TRPM3: variants seen among roughly 807,000 people sequenced by gnomAD.
TRPM3 encodes long transient receptor potential channel 3.
A neutral mutation model predicts 181.2 loss-of-function variants in TRPM3; 77 were observed. The observed-to-expected ratio is 0.42, with a 90% CI of 0.35 to 0.51. TRPM3 has a LOEUF of 0.51. TRPM3 is among the 20% of genes least tolerant of loss of function. The pLI is 0.01. For missense variants in TRPM3, 1,759 were observed against 2,196.7 expected (o/e 0.80, Z 3.98); for synonymous variants, 745 against 796.4 (o/e 0.94, Z 1.09).
chr9:70,611,325 G>T (rs2061964265), intron 18 of TRPM3, among the ~76,000 whole-genome samples: 1 of 152,196 alleles, frequency 6.6e-6, no homozygotes, highest in Non-Finnish European at 1.5e-5. Flanking sequence ...ATCCCCACAT[G>T]TCAAGGGAGG....
intron 7 of TRPM3, chr9:70,776,589 C>CAA (rs2081408321): frequency 1.7e-6 from 1 of 573,778 alleles, no homozygotes; most frequent in South Asian, 2.3e-5. Context: ...ATCTGTCAGT[C>CAA]CTGTCAAAAT....
chr9:71,243,424 T>C (rs2081840702), intron 1 of TRPM3, among the ~76,000 whole-genome samples: 2 of 152,230 alleles, frequency 1.3e-5, no homozygotes, highest in Non-Finnish European at 2.9e-5. Flanking sequence ...AGTGTCTTCC[T>C]GACTGCATGG....
chr9:70,635,706 C>T (rs892354879), intron 11 of TRPM3, among the ~76,000 whole-genome samples: 4 of 152,068 alleles, frequency 2.6e-5, no homozygotes, highest in Non-Finnish European at 2.9e-5. Flanking sequence ...AAGCAATCCT[C>T]CCACCTCAGC....
chr9:71,095,758 C>CA (rs34934062), intron 1 of TRPM3, among the ~76,000 whole-genome samples: 39,345 of 85,042 alleles, frequency 0.46, 7,584 homozygotes, highest in Admixed American at 0.54. Flanking sequence ...GACTCTGTGT[C>CA]AAAAAAAAAA....
At chr9:71,307,642 A>G (rs989910855) in intron 1 of TRPM3, among the ~76,000 whole-genome samples, 5 of 152,124 alleles carry the variant, frequency 3.3e-5, no homozygotes, top group African/African-American at 1.2e-4. Flanking sequence ...TTCTTTTCTA[A>G]TAACACATGC....
intron 1 of TRPM3, among the ~76,000 whole-genome samples, chr9:71,144,143 C>T (rs1469895080): frequency 6.6e-6 from 1 of 152,072 alleles, no homozygotes. Flanking sequence ...TACATTGTGG[C>T]CAAAACTATG....
intron 1 of TRPM3, among the ~76,000 whole-genome samples, chr9:70,929,185 C>G (rs965446861): frequency 6.7e-6 from 1 of 149,068 alleles, no homozygotes; most frequent in Non-Finnish European, 1.5e-5. Context: ...TTTTTTGCCT[C>G]ATCTCTTAAA....
At chr9:70,980,465 T>G (rs1370585645) in intron 1 of TRPM3, among the ~76,000 whole-genome samples, 1 of 152,166 alleles carries the variant, frequency 6.6e-6, no homozygotes, top group East Asian at 1.9e-4. Flanking sequence ...GGTTTTCCTT[T>G]GTGTTCCTGA....
chr9:70,853,899 A>G (rs1298652906), intron 3 of TRPM3, among the ~76,000 whole-genome samples: 1 of 152,236 alleles, frequency 6.6e-6, no homozygotes, highest in Non-Finnish European at 1.5e-5. Flanking sequence ...TTTGTAGATA[A>G]GAAGATAATT....
At chr9:70,672,193 C>T (rs2063098118) in intron 9 of TRPM3, among the ~76,000 whole-genome samples, 1 of 152,176 alleles carries the variant, frequency 6.6e-6, no homozygotes, top group South Asian at 2.1e-4. Context: ...TCTCATTCCA[C>T]AGTCATAGGG....
At chr9:71,302,321 C>G (rs1392374069) in intron 1 of TRPM3, among the ~76,000 whole-genome samples, 1 of 152,070 alleles carries the variant, frequency 6.6e-6, no homozygotes, top group East Asian at 1.9e-4. Flanking sequence ...TATTTTATGA[C>G]CAGATTGAAA....
At chr9:71,386,017 G>A (rs556561460) in intron 1 of TRPM3, among the ~76,000 whole-genome samples, 3 of 152,070 alleles carry the variant, frequency 2.0e-5, no homozygotes, top group African/African-American at 4.8e-5. Flanking sequence ...AGTCTTAGAA[G>A]ATTTAGACAT....
intron 5 of TRPM3, among the ~76,000 whole-genome samples, chr9:70,841,814 T>C (rs1428732762): frequency 1.3e-5 from 2 of 151,204 alleles, no homozygotes; most frequent in African/African-American, 4.9e-5. Context: ...GCCATTTTCC[T>C]AAGTAAAATA....
intron 1 of TRPM3, among the ~76,000 whole-genome samples, chr9:71,209,065 T>C (rs1053031461): frequency 1.3e-5 from 2 of 152,112 alleles, no homozygotes; most frequent in Admixed American, 6.6e-5. Context: ...TCATATTCCA[T>C]AGCTAGAAAT....
chr9:70,869,515 G>T (rs1306539232), intron 1 of TRPM3, among the ~76,000 whole-genome samples: 2 of 151,964 alleles, frequency 1.3e-5, no homozygotes, highest in Non-Finnish European at 2.9e-5. Context: ...CATCCCCAAA[G>T]AATGGAATGG....
chr9:70,837,011 T>C (rs1015899428), intron 5 of TRPM3, among the ~76,000 whole-genome samples: 1 of 152,164 alleles, frequency 6.6e-6, no homozygotes, highest in African/African-American at 2.4e-5. Context: ...CAAAGCTGAG[T>C]GTGGTCCAGG....
intron 5 of TRPM3, among the ~76,000 whole-genome samples, chr9:70,832,445 T>A (rs1169928441): frequency 6.6e-6 from 1 of 152,174 alleles, no homozygotes; most frequent in African/African-American, 2.4e-5. Flanking sequence ...AATGAGAGAA[T>A]TCTTGCCTCA....
chr9:70,629,216 G>GGGCGCGGGGGC lies in TRPM3; in HGVS notation c.1633-3700_1633-3699insGCCCCCGCGCC. 3.3e-5 allele frequency among the ~76,000 whole-genome samples: 2 copies of GGGCGCGGGGGC among 60,264 alleles called. 1 individual carries two copies. The highest frequency in any genetic ancestry group is 1.6e-4 in the African/African-American group (2 of 12,844). 39.5% of individuals were successfully genotyped at this position (60,264 alleles called of 152,430 possible). A position where few individuals can be genotyped will look rare whatever the true frequency, so the allele number is the denominator to read the frequency against. On this transcript the variant is annotated intron_variant, in intron 12 of 25. Coordinates refer to ENST00000677713, the MANE Select transcript of TRPM3 (RefSeq NM_001366145.2). ...GATAAATGATTCTGTGACCAGTGCC[G>GGGCGCGGGGGC]GGGGGGGGGGGGGCCTGCGTTCTGT...
At chr9:70,987,824 T>C (rs1226381674) in intron 1 of TRPM3, among the ~76,000 whole-genome samples, 1 of 152,080 alleles carries the variant, frequency 6.6e-6, no homozygotes. Context: ...AAAGTATTCA[T>C]ATATTTAAAA....
Sources: allele counts gnomAD v4.1 joint callset (sites outside exome capture counted in the v4.1 genomes callset), GRCh38; gene constraint gnomAD v4.1.1; transcripts MANE v1.5; gene names NCBI Gene and HGNC (gene_info 2026-07-23, HGNC 2026-07-21).